The following PSD3 variants were observed in gnomAD, a reference collection of about 807,000 sequenced individuals.
The protein encoded by PSD3 is pleckstrin and Sec7 domain containing 3.
PSD3 carries 49 observed loss-of-function variants against 105.5 expected under a neutral mutation model. That is an observed-to-expected ratio of 0.46 (90% CI 0.37 to 0.59). PSD3 has a LOEUF of 0.59. Among genes scored for constraint, PSD3 ranks in the 20% least tolerant of loss-of-function variants. The pLI is 0.00. For missense variants in PSD3, 1,561 were observed against 1,263.8 expected, an observed-to-expected ratio of 1.24 and a Z score of -3.57; for synonymous variants, 557 against 457.8, an observed-to-expected ratio of 1.22 and a Z score of -2.77.
chr8:19,030,680 G>C (rs1258592430), intron 1 of PSD3, among the ~76,000 whole-genome samples: 1 of 152,086 alleles, frequency 6.6e-6, no homozygotes, highest in Non-Finnish European at 1.5e-5. Context: ...CTACAGAACT[G>C]TGAACCAATT....
intron 4 of PSD3, among the ~76,000 whole-genome samples, chr8:18,854,931 G>C (rs1016276393): frequency 2.0e-5 from 3 of 152,174 alleles, no homozygotes; most frequent in African/African-American, 7.2e-5. Flanking sequence ...AAGTGGCCAG[G>C]CAACACACAC....
At chr8:18,755,421 C>A (rs1035117375) in intron 9 of PSD3, among the ~76,000 whole-genome samples, 2 of 102,068 alleles carry the variant, frequency 2.0e-5, no homozygotes, top group South Asian at 3.2e-4. Flanking sequence ...CAGAGTGAGA[C>A]CCTGTCTCAA....
chr8:19,054,403 G>A (rs374770309), intron 1 of PSD3, among the ~76,000 whole-genome samples: 1 of 152,156 alleles, frequency 6.6e-6, no homozygotes, highest in East Asian at 1.9e-4. Flanking sequence ...TTGGTGCCTG[G>A]AAGAACTTGT....
intron 9 of PSD3, among the ~76,000 whole-genome samples, chr8:18,690,843 A>G (rs571032134): frequency 6.6e-6 from 1 of 152,312 alleles, no homozygotes; most frequent in Non-Finnish European, 1.5e-5. Context: ...CCTTCTCAGA[A>G]AGGTCCAATA....
intron 11 of PSD3, among the ~76,000 whole-genome samples, chr8:18,620,802 T>C (rs1009532856): frequency 3.9e-5 from 6 of 152,234 alleles, no homozygotes; most frequent in African/African-American, 1.4e-4. Flanking sequence ...CTTATCCCCA[T>C]GATTAATTCC....
intron 11 of PSD3, among the ~76,000 whole-genome samples, chr8:18,618,748 A>G (rs904096121): frequency 6.6e-6 from 1 of 151,812 alleles, no homozygotes; most frequent in Non-Finnish European, 1.5e-5. Flanking sequence ...TGGTGTAATC[A>G]TGGCTCACTG....
chr8:19,045,004 G>A (rs940516336), intron 1 of PSD3, among the ~76,000 whole-genome samples: 1 of 152,110 alleles, frequency 6.6e-6, no homozygotes, highest in Non-Finnish European at 1.5e-5. Flanking sequence ...GTCCAACATC[G>A]TGAAACCCTG....
At position 18,872,561 on chromosome 8, in the gene PSD3, G is replaced by A. The variant is rs752543857; in HGVS notation, c.303C>T (p.His101=). The stretch of plus-strand genomic sequence containing the variant: ...CTTCTGTAACACTGTCGAGCCCAGA[G>A]TGGCAGCCAGTAAGAGGCTGGACAC... ...QQGVQPLTGC[H]SGLDSVTEGP... is the part of the protein sequence containing the mutation. The change falls in exon 3 of 16, where the codon CAC becomes CAT. Residue 101 remains histidine (H), a synonymous_variant. Transcript: ENST00000327040. 2 of 1,613,968 alleles carry A rather than the reference G, an allele frequency of 1.2e-6. No individual in the cohort carries two copies. The highest frequency in any genetic ancestry group is 1.7e-5 in the Admixed American group (1 of 60,002).
intron 4 of PSD3, among the ~76,000 whole-genome samples, chr8:18,816,512 C>A (rs552112450): frequency 6.6e-6 from 1 of 152,280 alleles, no homozygotes; most frequent in East Asian, 1.9e-4. Context: ...ACAAACATTT[C>A]TACTTTTTAA....
chr8:18,752,568 T>C (rs13255646), intron 9 of PSD3, among the ~76,000 whole-genome samples: 249 of 28,916 alleles, frequency 8.6e-3, no homozygotes, highest in Middle Eastern at 0.019. Flanking sequence ...ATATATATTA[T>C]ATATATAATT....
chr8:18,625,864 T>C (rs192696568), intron 11 of PSD3, among the ~76,000 whole-genome samples: 96 of 152,300 alleles, frequency 6.3e-4, no homozygotes, highest in Admixed American at 1.5e-3. Flanking sequence ...CTCTAATATT[T>C]AGCAATCATT....
chr8:18,894,067 C>T (rs945988391), intron 2 of PSD3, among the ~76,000 whole-genome samples: 17 of 152,282 alleles, frequency 1.1e-4, no homozygotes, highest in South Asian at 4.1e-4. Context: ...TAAAACAGTG[C>T]CCAGCACATA....
In PSD3 at chr8:18,997,663, G is replaced by A. The variant is rs991009398; in HGVS notation, c.21+15900C>T. Among the ~76,000 whole-genome samples, 16 of 152,158 alleles carry A rather than the reference G, an allele frequency of 1.1e-4. 1 individual carries two copies. The highest frequency in any genetic ancestry group is 7.7e-4 in the East Asian group (4 of 5,176). ...AGGACCTGGCGACGGTGTCCGGTCCGACCCCACTGCTCACTGTGCTCCAGT... is the reference window on the plus strand; with the variant it reads ...AGGACCTGGCGACGGTGTCCGGTCCAACCCCACTGCTCACTGTGCTCCAGT... On this transcript the variant is annotated intron_variant, in intron 1 of 15. Transcript: ENST00000327040.
rs572477769 is a variant in PSD3, at chr8:18,620,786, T to G, written c.2410+11827A>C. Among the ~76,000 whole-genome samples the G allele has an allele frequency of 4.6e-5, 7 of 152,362 alleles. No homozygotes were observed. In the South Asian group the frequency reaches 1.4e-3, roughly 32 times the overall value. ...CATTAGTGATAACATCTTTTGCATA[T>G]ACATTCTTATCCCCATGATTAATTC... On this transcript the variant is annotated intron_variant, in intron 11 of 15. Coordinates refer to ENST00000327040, the MANE Select transcript of PSD3 (RefSeq NM_015310.4).
At chr8:18,710,002 A>C (rs1369180550) in intron 9 of PSD3, among the ~76,000 whole-genome samples, 3 of 152,214 alleles carry the variant, frequency 2.0e-5, no homozygotes, top group Non-Finnish European at 4.4e-5. Context: ...AGACAGATGA[A>C]GTGATAGAAG....
rs1809445328 is a variant in PSD3, at chr8:18,662,690, A to T, written c.2173-7005T>A. 2.0e-5 allele frequency among the ~76,000 whole-genome samples: 3 copies of T among 152,254 alleles called. No homozygotes were observed. The South Asian group carries it at 6.2e-4, about 32-fold the overall frequency. On this transcript the variant is annotated intron_variant, in intron 9 of 15. Transcript: ENST00000327040. ...CCCCTTCCAGATCTACTATTTTACA[A>T]TTCAGCTTGAGAAAGACCTTAGCTA...
chr8:19,020,226 T>C (rs1367305612), intron 1 of PSD3, among the ~76,000 whole-genome samples: 1 of 152,120 alleles, frequency 6.6e-6, no homozygotes, highest in Non-Finnish European at 1.5e-5. Flanking sequence ...TGTGATGTTA[T>C]ATGATGCTGA....
chr8:18,978,017 G>A (rs1825037455), intron 1 of PSD3, among the ~76,000 whole-genome samples: 1 of 152,172 alleles, frequency 6.6e-6, no homozygotes, highest in African/African-American at 2.4e-5. Flanking sequence ...ATATCATGAC[G>A]CTAGCAAGGA....
chr8:19,007,569 C>T (rs376723686), intron 1 of PSD3, among the ~76,000 whole-genome samples: 1 of 152,148 alleles, frequency 6.6e-6, no homozygotes, highest in East Asian at 1.9e-4. Context: ...ATAAAGTTCA[C>T]AAGTTCTGAG....
Sources: gnomAD v4.1 joint callset for allele counts (sites outside exome capture counted in the v4.1 genomes callset) on GRCh38, gnomAD v4.1.1 for gene constraint, MANE v1.5 for transcripts, NCBI Gene and HGNC (gene_info 2026-07-23, HGNC 2026-07-21) for gene names.